PDE1C: variants seen among roughly 807,000 people sequenced by gnomAD.
PDE1C encodes the protein dual specificity calcium/calmodulin-dependent 3',5'-cyclic nucleotide phosphodiesterase 1C.
PDE1C carries 62 observed loss-of-function variants against 93.1 expected under a neutral mutation model. That is an observed-to-expected ratio of 0.67 (90% confidence interval 0.54 to 0.82). PDE1C has a LOEUF of 0.82. Ranked by LOEUF, PDE1C falls within the 40% of genes least tolerant of loss-of-function variation. The pLI, the probability that PDE1C is intolerant of heterozygous loss-of-function variation, is 0.00. For missense variants in PDE1C, 742 were observed against 884.6 expected, an observed-to-expected ratio of 0.84 and a Z score of 2.04; for synonymous variants, 325 against 310.1, an observed-to-expected ratio of 1.05 and a Z score of -0.50.
intron 1 of PDE1C, among the ~76,000 whole-genome samples, chr7:32,414,055 A>G (rs947055236): frequency 2.0e-4 from 30 of 151,980 alleles, no homozygotes; most frequent in African/African-American, 7.2e-4. Flanking sequence ...TTTATAAAAA[A>G]TTTGACAATT....
intron 1 of PDE1C, among the ~76,000 whole-genome samples, chr7:32,396,682 A>G (rs79362189): frequency 0.041 from 6,267 of 152,258 alleles, 312 homozygotes; most frequent in African/African-American, 0.12. Flanking sequence ...CATGGGTTTC[A>G]CTGTAAAATT....
intron 2 of PDE1C, among the ~76,000 whole-genome samples, chr7:31,923,067 T>C (rs1394509094): frequency 2.0e-5 from 3 of 152,126 alleles, no homozygotes; most frequent in Non-Finnish European, 4.4e-5. Context: ...TTGAATCAAC[T>C]TGGGCAGGGA....
chr7:31,884,304 A>T (rs1797618973), intron 2 of PDE1C, among the ~76,000 whole-genome samples: 1 of 152,194 alleles, frequency 6.6e-6, no homozygotes, highest in Non-Finnish European at 1.5e-5. Context: ...AAAATCACTA[A>T]TGGAAACAGA....
intron 2 of PDE1C, among the ~76,000 whole-genome samples, chr7:32,003,895 TAAAC>T (rs34922655): frequency 0.098 from 14,977 of 152,102 alleles, 783 homozygotes; most frequent in Middle Eastern, 0.13. Context: ...AAAAAACAAA[TAAAC>T]AACTAATTTC....
chr7:31,916,044 TG>T (rs146613094), intron 2 of PDE1C, among the ~76,000 whole-genome samples: 5,085 of 151,420 alleles, frequency 0.034, 274 homozygotes, highest in African/African-American at 0.12. Flanking sequence ...CTGCCAGGTA[TG>T]GGGGGGGCAC....
chr7:31,734,349 A>G, the PDE1C span, among the ~76,000 whole-genome samples: 4 of 152,132 alleles, frequency 2.6e-5, no homozygotes, highest in Non-Finnish European at 2.9e-5. Context: ...CAACCTGCAA[A>G]AGCCACACAG....
At chr7:32,167,054 T>G (rs1414135383) in intron 3 of PDE1C, among the ~76,000 whole-genome samples, 1 of 152,198 alleles carries the variant, frequency 6.6e-6, no homozygotes, top group Non-Finnish European at 1.5e-5. Flanking sequence ...CTATTGCTGA[T>G]GTAACAGGGA....
intron 6 of PDE1C, among the ~76,000 whole-genome samples, chr7:31,872,004 GA>G (rs1256105053): frequency 6.6e-6 from 1 of 151,494 alleles, no homozygotes; most frequent in African/African-American, 2.4e-5. Flanking sequence ...AATGGATAAG[GA>G]AAACTTGGTA....
At chr7:32,101,119 A>T (rs1174850131) in intron 3 of PDE1C, among the ~76,000 whole-genome samples, 1 of 152,178 alleles carries the variant, frequency 6.6e-6, no homozygotes, top group Non-Finnish European at 1.5e-5. Flanking sequence ...TTCCTTGTTC[A>T]TTTCTAAAAC....
chr7:32,147,098 C>T (rs879680089), intron 3 of PDE1C, among the ~76,000 whole-genome samples: 1 of 151,484 alleles, frequency 6.6e-6, no homozygotes, highest in Admixed American at 6.6e-5. Context: ...TAATGGAATA[C>T]TCTGGTGTCT....
At chr7:31,814,944 T>C (rs748671294) in intron 15 of PDE1C, among the ~76,000 whole-genome samples, 1 of 151,812 alleles carries the variant, frequency 6.6e-6, no homozygotes. Context: ...AACCTGTCAA[T>C]TGCAAGCTCT....
intron 2 of PDE1C, among the ~76,000 whole-genome samples, chr7:32,183,828 G>A (rs1224828272): frequency 6.6e-6 from 1 of 152,108 alleles, no homozygotes; most frequent in African/African-American, 2.4e-5. Context: ...AAGAGCTTCT[G>A]CACAGCAAAA....
chr7:31,775,935 G>A (rs980214457), intron 16 of PDE1C, among the ~76,000 whole-genome samples: 2 of 152,158 alleles, frequency 1.3e-5, no homozygotes, highest in East Asian at 1.9e-4. Flanking sequence ...GTGACAGTAC[G>A]CAGTTCCTCT....
In PDE1C at chr7:31,967,604, T is replaced by G. The variant is rs570782075; in HGVS notation, c.128+83950A>C. Among the ~76,000 whole-genome samples the G allele has an allele frequency of 2.3e-3, 344 of 152,246 alleles. 1 individual carries two copies. The highest frequency in any genetic ancestry group is 3.1e-3 in the Non-Finnish European group (213 of 68,000). On this transcript the variant is annotated intron_variant, in intron 2 of 17. Transcript: ENST00000396191. ...ATAAAGAGGGAATCCTCCCTAACTC[T>G]TTTTATGAGGCCAGCATCATCCTGA...
At chr7:32,256,408 A>C (rs1195840324) in intron 1 of PDE1C, among the ~76,000 whole-genome samples, 1 of 152,212 alleles carries the variant, frequency 6.6e-6, no homozygotes, top group Non-Finnish European at 1.5e-5. Flanking sequence ...GCAATCAGGC[A>C]TCTGAGCCAG....
chr7:32,174,456 A>G (rs1219744868), intron 2 of PDE1C, among the ~76,000 whole-genome samples: 1 of 152,138 alleles, frequency 6.6e-6, no homozygotes, highest in African/African-American at 2.4e-5. Flanking sequence ...CCTGGGGAAA[A>G]CCACAGAGAG....
At position 31,846,248 on chromosome 7, in the gene PDE1C, T is replaced by C. The variant is rs1464964766; in HGVS notation, c.980+1720A>G. Among the ~76,000 whole-genome samples, 5 of 150,156 alleles carry C rather than the reference T, an allele frequency of 3.3e-5. No homozygotes were observed. In the East Asian group the frequency reaches 9.7e-4, roughly 29 times the overall value. Reference sequence around the variant, plus strand: ...CTTTTTTTTTCTTTTTTTTTTTTTTTTGAGACGGAGTCTCGCTCTGTCACC... The same window carrying C: ...CTTTTTTTTTCTTTTTTTTTTTTTTCTGAGACGGAGTCTCGCTCTGTCACC... On this transcript the variant is annotated intron_variant, in intron 9 of 17. Coordinates refer to ENST00000396191, the MANE Select transcript of PDE1C (RefSeq NM_001191057.4).
At chr7:32,036,295 A>G (rs1317333771) in intron 2 of PDE1C, among the ~76,000 whole-genome samples, 1 of 152,166 alleles carries the variant, frequency 6.6e-6, no homozygotes, top group East Asian at 1.9e-4. Context: ...CAATAGGGGT[A>G]TGGATGAGGC....
At chr7:31,786,386 T>C (rs1783942566) in intron 16 of PDE1C, 1 of 151,824 alleles carries the variant, frequency 6.6e-6, no homozygotes, top group Admixed American at 6.6e-5. Flanking sequence ...TCTCCCAAAT[T>C]ACCTGCAATT....
Sources: allele counts gnomAD v4.1 joint callset (sites outside exome capture counted in the v4.1 genomes callset), GRCh38; gene constraint gnomAD v4.1.1; transcripts MANE v1.5; gene names NCBI Gene and HGNC (gene_info 2026-07-23, HGNC 2026-07-21).